DGKB: variants seen among roughly 807,000 people sequenced by gnomAD.
DGKB encodes 90 kDa diacylglycerol kinase.
DGKB carries 67 observed loss-of-function variants against 114.3 expected under a neutral mutation model. That is an observed-to-expected ratio of 0.59 (90% CI 0.48 to 0.72). The LOEUF is 0.72. Among genes scored for constraint, DGKB ranks in the 30% least tolerant of loss-of-function variants. The probability of loss-of-function intolerance (pLI) is 0.00; values close to 1 mark genes in which losing one functional copy is unlikely to be tolerated. For synonymous variants in DGKB, 398 were observed against 323.1 expected, an observed-to-expected ratio of 1.23 and a Z score of -2.49; for missense variants, 907 against 975.2, an observed-to-expected ratio of 0.93 and a Z score of 0.93.
intron 20 of DGKB, among the ~76,000 whole-genome samples, chr7:14,510,843 C>T (rs1267639684): frequency 2.6e-5 from 4 of 152,206 alleles, no homozygotes; most frequent in Non-Finnish European, 4.4e-5. Flanking sequence ...AAACATTAAT[C>T]TCCTTGTATA....
At chr7:14,329,691 T>A (rs1450032388) in intron 23 of DGKB, among the ~76,000 whole-genome samples, 2 of 151,972 alleles carry the variant, frequency 1.3e-5, no homozygotes. Context: ...CCACCTTAGC[T>A]TCAAATCATT....
intron 21 of DGKB, among the ~76,000 whole-genome samples, chr7:14,432,761 A>G (rs1224667387): frequency 2.0e-5 from 3 of 152,066 alleles, no homozygotes; most frequent in Non-Finnish European, 2.9e-5. Context: ...GCTTTATTTC[A>G]GTTTTTATTT....
intron 21 of DGKB, among the ~76,000 whole-genome samples, chr7:14,426,885 T>A (rs1252645816): frequency 3.9e-5 from 5 of 127,108 alleles, no homozygotes; most frequent in Non-Finnish European, 8.6e-5. Context: ...GGAAACCCCA[T>A]CTCTACTAAA....
chr7:14,362,900 C>G (rs938086546), intron 21 of DGKB, among the ~76,000 whole-genome samples: 3 of 152,092 alleles, frequency 2.0e-5, no homozygotes, highest in African/African-American at 7.2e-5. Flanking sequence ...ACATGAATCT[C>G]TTTCTAGGCC....
intron 21 of DGKB, among the ~76,000 whole-genome samples, chr7:14,361,723 A>T (rs968219187): frequency 2.0e-5 from 3 of 152,016 alleles, no homozygotes; most frequent in African/African-American, 7.2e-5. Context: ...GCCTACCTTT[A>T]TACCATTTTC....
intron 2 of DGKB, among the ~76,000 whole-genome samples, chr7:14,831,458 T>A (rs1444589303): frequency 1.3e-5 from 2 of 152,058 alleles, no homozygotes; most frequent in Non-Finnish European, 2.9e-5. Context: ...TAACTCTCCT[T>A]TGAGCAAAAA....
intron 23 of DGKB, among the ~76,000 whole-genome samples, chr7:14,282,991 T>C (rs2128458435): frequency 6.6e-6 from 1 of 151,918 alleles, no homozygotes; most frequent in South Asian, 2.1e-4. Flanking sequence ...CTATTCAACA[T>C]AGTGTTGGAA....
chr7:14,667,369 T>C (rs1818224405), intron 13 of DGKB, among the ~76,000 whole-genome samples: 2 of 151,980 alleles, frequency 1.3e-5, no homozygotes, highest in African/African-American at 4.8e-5. Flanking sequence ...TAGAGGTCAT[T>C]CAATAACCAA....
chr7:14,846,044 A>C (rs893299522), intron 1 of DGKB, among the ~76,000 whole-genome samples: 1 of 152,226 alleles, frequency 6.6e-6, no homozygotes, highest in East Asian at 1.9e-4. Flanking sequence ...AATATCTAAC[A>C]AAAACACCAC....
intron 20 of DGKB, among the ~76,000 whole-genome samples, chr7:14,551,999 T>C (rs1389838741): frequency 6.6e-6 from 1 of 152,136 alleles, no homozygotes; most frequent in Non-Finnish European, 1.5e-5. Flanking sequence ...AGGTGGTCAC[T>C]AACATATGAC....
intron 20 of DGKB, among the ~76,000 whole-genome samples, chr7:14,478,805 A>C (rs1216665034): frequency 6.6e-6 from 1 of 151,360 alleles, no homozygotes; most frequent in Admixed American, 6.6e-5. Context: ...GTTGAATAGA[A>C]AAAAAAAACA....
chr7:14,349,229 T>C (rs1583330882), intron 21 of DGKB, among the ~76,000 whole-genome samples: 1 of 152,092 alleles, frequency 6.6e-6, no homozygotes, highest in Non-Finnish European at 1.5e-5. Context: ...ACTGGTGATA[T>C]TTGATTTTAC....
At chr7:14,582,143 T>G (rs776160545) in intron 18 of DGKB, among the ~76,000 whole-genome samples, 9 of 152,164 alleles carry the variant, frequency 5.9e-5, no homozygotes, top group Non-Finnish European at 1.2e-4. Flanking sequence ...ATCAATTCGT[T>G]TTATGAAAGG....
At chr7:14,602,688 C>A (rs531737140) in intron 17 of DGKB, among the ~76,000 whole-genome samples, 4 of 152,274 alleles carry the variant, frequency 2.6e-5, no homozygotes, top group Non-Finnish European at 4.4e-5. Context: ...AATCTCCTGG[C>A]CCCTGGACCT....
At chr7:14,846,564 A>G (rs1041735564) in intron 1 of DGKB, among the ~76,000 whole-genome samples, 3 of 152,224 alleles carry the variant, frequency 2.0e-5, no homozygotes, top group Non-Finnish European at 2.9e-5. Flanking sequence ...GGGTAGAAAG[A>G]ATGTGACAAT....
intron 20 of DGKB, among the ~76,000 whole-genome samples, chr7:14,516,331 C>T (rs146536280): frequency 3.4e-3 from 520 of 152,216 alleles, no homozygotes; most frequent in Non-Finnish European, 5.9e-3. Context: ...AATCAAATAT[C>T]CACTCTCTCC....
chr7:14,651,705 A>G (rs1335546620), intron 13 of DGKB, among the ~76,000 whole-genome samples: 2 of 148,972 alleles, frequency 1.3e-5, no homozygotes, highest in Non-Finnish European at 3.0e-5. Flanking sequence ...GAGGAAGTCA[A>G]ATTGTCCCTG....
chr7:14,247,092 GTCTT>G (rs1223998653), intron 23 of DGKB, among the ~76,000 whole-genome samples: 1 of 152,064 alleles, frequency 6.6e-6, no homozygotes, highest in Non-Finnish European at 1.5e-5. Context: ...TGCAGTATTT[GTCTT>G]TCTGTGTCTA....
chr7:14,802,256 T>A (rs924155298), intron 2 of DGKB, among the ~76,000 whole-genome samples: 5 of 152,180 alleles, frequency 3.3e-5, no homozygotes, highest in Non-Finnish European at 5.9e-5. Context: ...TCAAATTTTT[T>A]AAGTAGTAGT....
Sources: gnomAD v4.1 joint callset for allele counts (sites outside exome capture counted in the v4.1 genomes callset) on GRCh38, gnomAD v4.1.1 for gene constraint, MANE v1.5 for transcripts, NCBI Gene and HGNC (gene_info 2026-07-23, HGNC 2026-07-21) for gene names.